FZR1: variants seen among roughly 807,000 people sequenced by gnomAD.
FZR1 encodes fizzy-related protein homolog.
A neutral mutation model predicts 63.6 loss-of-function variants in FZR1; 11 were observed. The observed-to-expected ratio is 0.17, with a 90% CI of 0.11 to 0.29. The LOEUF (loss-of-function observed/expected upper bound fraction) is 0.29, where lower values mean the gene tolerates loss of function less well. Ranked by LOEUF, FZR1 falls within the 10% of genes least tolerant of loss-of-function variation. The pLI is 1.00. For synonymous variants in FZR1, 328 were observed against 297.9 expected (o/e 1.10, Z -1.04); for missense variants, 440 against 687.5 (o/e 0.64, Z 4.03).
chr19:3,526,096 C>G lies in FZR1; in HGVS notation c.196-24C>G. On this transcript the variant is annotated intron_variant, in intron 3 of 13. Coordinates refer to ENST00000441788, the MANE Select transcript of FZR1 (RefSeq NM_016263.4). This position sits in a 1 kb window ranked among gnomAD's most constrained non-coding sequence, Gnocchi z 5.4. ...GGAACAAGCGGGCTCCTCGACCCCTCCCTCTCTGCTCTCCTGCCTGCAGGA... is the reference window on the plus strand; with the variant it reads ...GGAACAAGCGGGCTCCTCGACCCCTGCCTCTCTGCTCTCCTGCCTGCAGGA... 6.2e-7 allele frequency: 1 copy of G among 1,612,456 alleles called. No individual in the cohort carries two copies. The highest frequency in any genetic ancestry group is 8.5e-7 in the Non-Finnish European group (1 of 1,179,622).
Position 3,526,190 on chromosome 19 carries a change from G to A in FZR1, c.259+7G>A. On this transcript the variant is annotated splice_region_variant and intron_variant, in intron 4 of 13. Transcript: ENST00000441788. This position sits in a 1 kb window ranked among gnomAD's most constrained non-coding sequence, Gnocchi z 5.4. ...ACCTCAGACAACGGCAAAGGTTAGG[G>A]TCCCAGCCCATCCGCCCTGCAGGCC... is the stretch of plus-strand genomic sequence containing the variant. The A allele has an allele frequency of 6.2e-7, 1 of 1,612,464 alleles. No homozygotes were observed.
rs2083053982 is a variant in FZR1 at position 3,515,699 on chromosome 19, G to A, written c.-34-7257G>A. On this transcript the variant is annotated intron_variant, in intron 1 of 13. Coordinates refer to ENST00000441788, the MANE Select transcript of FZR1 (RefSeq NM_016263.4). The surrounding 1 kb of genome is among the most constrained non-coding windows in gnomAD (Gnocchi z 4.6). ...GGAGAATGGTGTGAACCAGGAGGCG[G>A]AGCTTGCAGTGAGCAGAGATCGCAC... Among the ~76,000 whole-genome samples, 1 of 151,796 alleles carries A rather than the reference G, an allele frequency of 6.6e-6. No homozygotes were observed. Among genetic ancestry groups the A allele is most frequent in the Non-Finnish European group, 1.5e-5 (1 of 67,940 alleles).
In FZR1 at chr19:3,525,707, G is replaced by T. The variant is rs992822141; in HGVS notation, c.70-161G>T. On this transcript the variant is annotated intron_variant, in intron 2 of 13. Transcript: ENST00000441788. The surrounding 1 kb of genome is among the most constrained non-coding windows in gnomAD (Gnocchi z 4.2). The stretch of plus-strand genomic sequence containing the variant: ...TCCGCCCGCCTCGGCCTCCCAAAGT[G>T]CTGGGATTACGGGCGTGAGCCACCG... Among the ~76,000 whole-genome samples, 1 of 152,134 alleles carries T rather than the reference G, an allele frequency of 6.6e-6. No homozygotes were observed. Among genetic ancestry groups the T allele is most frequent in the African/African-American group, 2.4e-5 (1 of 41,442 alleles).
At chr19:3,517,524 T>C (rs2083067407) in intron 1 of FZR1, among the ~76,000 whole-genome samples, 1 of 151,760 alleles carries the variant, frequency 6.6e-6, no homozygotes, top group Admixed American at 6.6e-5. Flanking sequence ...CCCTCTCTAC[T>C]AAAAATACAA....
At chr19:3,527,566 C>G in intron 6 of FZR1, 65 bp from the exon 7 acceptor site, 1 of 1,342,034 alleles carries the variant, frequency 7.5e-7, no homozygotes, top group Non-Finnish European at 1.0e-6. Context: ...GAGACACTTC[C>G]CAAGCGTTTG....
chr19:3,513,682 G>T (rs78769908), intron 1 of FZR1, among the ~76,000 whole-genome samples: 1,816 of 152,262 alleles, frequency 0.012, 35 homozygotes, highest in African/African-American at 0.042. Context: ...CCAGGAGCCC[G>T]CACGGGATGT....
chr19:3,533,258 C>A lies in FZR1; in HGVS notation c.1243-36C>A. 7.7e-7 allele frequency: 1 copy of A among 1,307,000 alleles called. No homozygotes were observed. Among genetic ancestry groups the A allele is most frequent in the Non-Finnish European group, 1.1e-6 (1 of 903,124 alleles). 81.0% of individuals were successfully genotyped at this position (1,307,000 alleles called of 1,614,324 possible). On this transcript the variant is annotated intron_variant, in intron 11 of 13. Coordinates refer to ENST00000441788, the MANE Select transcript of FZR1 (RefSeq NM_016263.4). This position sits in a 1 kb window ranked among gnomAD's most constrained non-coding sequence, Gnocchi z 4.9. ...GCAGGCATAGCACCCGGCCTCGTTG[C>A]CCCTCACCGACCGCAGCGCCCCCTC...
intron 7 of FZR1, among the ~76,000 whole-genome samples, chr19:3,529,913 C>T (rs1420099198): frequency 5.1e-5 from 4 of 78,908 alleles, no homozygotes; most frequent in Non-Finnish European, 7.8e-5. Context: ...GTTGAGGGAG[C>T]GGATGGGTGA....
intron 1 of FZR1, among the ~76,000 whole-genome samples, chr19:3,509,340 C>A (rs1450043766): frequency 6.6e-6 from 1 of 152,262 alleles, no homozygotes; most frequent in Non-Finnish European, 1.5e-5. Context: ...TCAGCCGCCA[C>A]TGACCACGAA....
At chr19:3,509,639 C>T (rs2083010542) in intron 1 of FZR1, among the ~76,000 whole-genome samples, 1 of 152,220 alleles carries the variant, frequency 6.6e-6, no homozygotes, top group Admixed American at 6.5e-5. Flanking sequence ...GCCGCCACCA[C>T]CTGTCTCCCC....
In FZR1 at chr19:3,529,110, G is replaced by T. The variant is rs1265145802; in HGVS notation, c.654+1296G>T. 5.7e-5 allele frequency among the ~76,000 whole-genome samples: 5 copies of T among 87,932 alleles called. No individual in the cohort carries two copies. In the South Asian group the frequency reaches 1.9e-3, roughly 33 times the overall value. 57.7% of individuals were successfully genotyped at this position (87,932 alleles called of 152,430 possible). On this transcript the variant is annotated intron_variant, in intron 7 of 13. Coordinates refer to ENST00000441788, the MANE Select transcript of FZR1 (RefSeq NM_016263.4). ...GGAGAGCAGACGGTTGAGCGGATGGGAGAGCGGATGGGAGAGCGGATGGGA... is the reference window on the plus strand; with the variant it reads ...GGAGAGCAGACGGTTGAGCGGATGGTAGAGCGGATGGGAGAGCGGATGGGA...
At chr19:3,530,895 G>A (rs73527913) in intron 8 of FZR1, 38 bp downstream of exon 8, 14 of 1,530,210 alleles carry the variant, frequency 9.1e-6, no homozygotes, top group African/African-American at 5.5e-5. Flanking sequence ...TGGGAGATCT[G>A]ATGGGGCTCT....
At chr19:3,527,458 G>A (rs76784059) in intron 6 of FZR1, among the ~76,000 whole-genome samples, 173 bp from the exon 7 acceptor site, 5,422 of 152,294 alleles carry the variant, frequency 0.036, 308 homozygotes, top group South Asian at 0.12. Flanking sequence ...CCAGACACCC[G>A]AGGGTGAAGG....
At chr19:3,527,282 T>C (rs1374366465) in intron 6 of FZR1, among the ~76,000 whole-genome samples, 1 of 152,092 alleles carries the variant, frequency 6.6e-6, no homozygotes, top group African/African-American at 2.4e-5. Context: ...TGGTCAGTAA[T>C]AGAAGTGTAG....
chr19:3,506,716 G>A (rs749061941), intron 1 of FZR1, among the ~76,000 whole-genome samples: 96 of 151,572 alleles, frequency 6.3e-4, no homozygotes, highest in Non-Finnish European at 1.1e-3. Flanking sequence ...GGGGCCTGCC[G>A]TGACCCCCAC....
Position 3,532,667 on chromosome 19 carries a change from C to T in FZR1, c.1242+17C>T, listed in dbSNP as rs535425016. The T allele has an allele frequency of 1.1e-5, 18 of 1,569,552 alleles. No homozygotes were observed. Among genetic ancestry groups the T allele is most frequent in the Middle Eastern group, 3.6e-4 (2 of 5,630 alleles). On this transcript the variant is annotated intron_variant, in intron 11 of 13. Transcript: ENST00000441788. ...AACGAGCTGGTGAGCACGGGCGGCC[C>T]GGCCTCCCACCAGGCCTCAGGATGT...
intron 8 of FZR1, among the ~76,000 whole-genome samples, 193 bp from the exon 9 acceptor site, chr19:3,531,521 G>A (rs1376365810): frequency 6.6e-6 from 1 of 152,226 alleles, no homozygotes; most frequent in Non-Finnish European, 1.5e-5. Context: ...CAGTGTGTGC[G>A]GGGTGTGCCC....
chr19:3,530,632 G>A (rs1225775822), intron 7 of FZR1, among the ~76,000 whole-genome samples, 160 bp from the exon 8 acceptor site: 1 of 151,830 alleles, frequency 6.6e-6, no homozygotes, highest in East Asian at 1.9e-4. Context: ...ATGGGTGAGT[G>A]GATGGAAAAG....
rs1482343492 is a variant in FZR1 at position 3,536,733 on chromosome 19, A to C, written c.*1897A>C. 1 of 152,292 alleles carries C rather than the reference A, an allele frequency of 6.6e-6. No homozygotes were observed. The highest frequency in any genetic ancestry group is 2.4e-5 in the African/African-American group (1 of 41,464). The allele number at this position is 152,292 out of a possible 1,614,324, so 9.4% of individuals were successfully genotyped here. On this transcript the variant is annotated 3_prime_UTR_variant, in exon 14 of 14. Transcript: ENST00000441788. ...TCTCATGTAATGCAGTGACGCTGTCATTAAACACGTGGATTCATGTGTGGC... is the reference window on the plus strand; with the variant it reads ...TCTCATGTAATGCAGTGACGCTGTCCTTAAACACGTGGATTCATGTGTGGC...
Sources: gnomAD v4.1 joint callset for allele counts (sites outside exome capture counted in the v4.1 genomes callset) on GRCh38, gnomAD v4.1.1 for gene constraint, Gnocchi (gnomAD v3.1) non-coding constraint, MANE v1.5 for transcripts, NCBI Gene and HGNC (gene_info 2026-07-23, HGNC 2026-07-21) for gene names.